Variants in HEXB observed in about 807,000 individuals in gnomAD.
The protein encoded by HEXB is beta-hexosaminidase subunit beta.
In HEXB, 51 loss-of-function variants were observed where a neutral mutation model predicts 71.2. The ratio of observed to expected loss-of-function variants is 0.72; its 90% CI spans 0.57 to 0.90. The LOEUF is 0.90. Ranked by LOEUF, HEXB falls within the 40% of genes least tolerant of loss-of-function variation. The probability of loss-of-function intolerance (pLI) is 0.00; values close to 1 mark genes in which losing one functional copy is unlikely to be tolerated. For synonymous variants in HEXB, 266 were observed against 249.3 expected, an observed-to-expected ratio of 1.07 and a Z score of -0.63; for missense variants, 617 against 677.0, an observed-to-expected ratio of 0.91 and a Z score of 0.98.
intron 1 of HEXB, among the ~76,000 whole-genome samples, chr5:74,650,189 C>A (rs1451720595): frequency 6.6e-6 from 1 of 152,162 alleles, no homozygotes; most frequent in Non-Finnish European, 1.5e-5. Context: ...AGTGAGCGGG[C>A]ACGGAACCTC....
At chr5:74,709,247 G>A (rs1226373142) in intron 6 of HEXB, among the ~76,000 whole-genome samples, 1 of 152,092 alleles carries the variant, frequency 6.6e-6, no homozygotes, top group African/African-American at 2.4e-5. Flanking sequence ...AAACCAACAA[G>A]AACAAAGACA....
chr5:74,706,133 G>C (rs765102083), intron 6 of HEXB: 5 of 152,234 alleles, frequency 3.3e-5, no homozygotes, highest in Non-Finnish European at 7.3e-5. Context: ...GGTCAACCTT[G>C]TATCACTTAA....
rs1303786596 is a variant in HEXB, at chr5:74,689,328, A to C, written c.300A>C (p.Arg100=). The change falls in exon 2 of 14, where the codon CGA becomes CGC. Residue 100 remains arginine (R), a splice_region_variant and synonymous_variant. Transcript: ENST00000261416. ...GTGTTTACATTTATTTCTCAAACAG[A>C]TATCATGGCTATATTTTTGGTTTCT... The part of the protein sequence containing the change: ...SCTLLEEAFR[R]YHGYIFGFYK... 6.2e-7 allele frequency: 1 copy of C among 1,611,986 alleles called. No individual in the cohort carries two copies. The highest frequency in any genetic ancestry group is 1.7e-5 in the Admixed American group (1 of 60,020).
At chr5:74,720,079 A>G in intron 11 of HEXB, 1 of 314,464 alleles carries the variant, frequency 3.2e-6, no homozygotes, top group African/African-American at 2.1e-5. Context: ...ACACTACTAA[A>G]TAGGCAACCA....
chr5:74,688,177 C>G (rs1748914644), intron 1 of HEXB, among the ~76,000 whole-genome samples: 1 of 151,658 alleles, frequency 6.6e-6, no homozygotes, highest in African/African-American at 2.4e-5. Flanking sequence ...AATGCCTTTA[C>G]AGAATTTTTA....
At chr5:74,662,818 G>A (rs2112090877) in intron 1 of HEXB, among the ~76,000 whole-genome samples, 1 of 152,208 alleles carries the variant, frequency 6.6e-6, no homozygotes, top group Admixed American at 6.5e-5. Context: ...TTTTGTAAAG[G>A]ATGTGGTCCT....
At chr5:74,671,183 T>C (rs550889571) in intron 1 of HEXB, among the ~76,000 whole-genome samples, 17 of 152,178 alleles carry the variant, frequency 1.1e-4, no homozygotes, top group African/African-American at 4.1e-4. Flanking sequence ...CAACAAAGTG[T>C]TCCAAGACCC....
At chr5:74,720,950 G>C in intron 13 of HEXB, 168 bp from the exon 14 acceptor site, 1 of 774,368 alleles carries the variant, frequency 1.3e-6, no homozygotes, top group Admixed American at 2.3e-5. Context: ...GTGTAACTTA[G>C]AACTCCATCT....
chr5:74,713,958 A>G (rs1170624424), intron 7 of HEXB, among the ~76,000 whole-genome samples: 1 of 152,218 alleles, frequency 6.6e-6, no homozygotes, highest in Non-Finnish European at 1.5e-5. Context: ...CTCCTGCCTC[A>G]GCCTACTGAG....
At chr5:74,698,100 G>A (rs1292546402) in intron 5 of HEXB, among the ~76,000 whole-genome samples, 2 of 151,162 alleles carry the variant, frequency 1.3e-5, no homozygotes, top group African/African-American at 2.4e-5. Flanking sequence ...ATTTTGAAAC[G>A]GAGTTTCGCT....
rs115484660 is a variant in HEXB, at chr5:74,699,617, C to G, written c.669+2511C>G. ...AGTTGAATATTTCATTTTATTTAGT[C>G]TCATGCTGATGGACATCTAAGTTAA... On this transcript the variant is annotated intron_variant, in intron 5 of 13. Coordinates refer to ENST00000261416, the MANE Select transcript of HEXB (RefSeq NM_000521.4). Among the ~76,000 whole-genome samples, 17 of 152,204 alleles carry G rather than the reference C, an allele frequency of 1.1e-4. No individual in the cohort carries two copies. In the East Asian group the frequency reaches 3.3e-3, roughly 29 times the overall value.
intron 3 of HEXB, among the ~76,000 whole-genome samples, chr5:74,694,088 C>T (rs1039108149): frequency 1.3e-5 from 2 of 152,052 alleles, no homozygotes; most frequent in Non-Finnish European, 2.9e-5. Flanking sequence ...GAGTCCAGGA[C>T]GTTGAGGCTG....
intron 5 of HEXB, among the ~76,000 whole-genome samples, chr5:74,697,557 CT>C (rs1217963718): frequency 6.6e-6 from 1 of 152,016 alleles, no homozygotes; most frequent in African/African-American, 2.4e-5. Flanking sequence ...CAAACCCCAT[CT>C]CTACTAAAAA....
chr5:74,720,907 C>G, intron 13 of HEXB, 160 bp downstream of exon 13: 1 of 781,928 alleles, frequency 1.3e-6, no homozygotes, highest in Non-Finnish European at 2.2e-6. Context: ...TATATTCAGA[C>G]TTGTGACTGT....
intron 1 of HEXB, among the ~76,000 whole-genome samples, chr5:74,658,386 T>C (rs950804298): frequency 1.3e-5 from 2 of 152,168 alleles, no homozygotes; most frequent in African/African-American, 4.8e-5. Flanking sequence ...CAAAGACAGG[T>C]CAGCCTTTGC....
At chr5:74,686,809 A>C (rs747714142) in intron 1 of HEXB, among the ~76,000 whole-genome samples, 2 of 152,226 alleles carry the variant, frequency 1.3e-5, no homozygotes, top group Non-Finnish European at 2.9e-5. Flanking sequence ...TGGAAAGTAC[A>C]TGAAGGTTGT....
chr5:74,695,734 G>C (rs1373586287), intron 3 of HEXB, among the ~76,000 whole-genome samples: 2 of 150,966 alleles, frequency 1.3e-5, no homozygotes. Flanking sequence ...CCAGCTACTT[G>C]GGAGGCTGAG....
chr5:74,640,641 T>A (rs1412528802), intron 1 of HEXB: 1 of 152,166 alleles, frequency 6.6e-6, no homozygotes, highest in Non-Finnish European at 1.5e-5. Context: ...GAAAGCGCCT[T>A]GTGTGCCGGC....
At chr5:74,718,505 T>C in intron 10 of HEXB, 142 bp downstream of exon 10, 1 of 757,536 alleles carries the variant, frequency 1.3e-6, no homozygotes, top group South Asian at 1.5e-5. Flanking sequence ...AGTTCCAAGC[T>C]AGGTTTGGTA....
Sources: allele counts gnomAD v4.1 joint callset (sites outside exome capture counted in the v4.1 genomes callset), GRCh38; gene constraint gnomAD v4.1.1; transcripts MANE v1.5; gene names NCBI Gene and HGNC (gene_info 2026-07-23, HGNC 2026-07-21).